POU2AF2: variants seen among roughly 807,000 people sequenced by gnomAD.
The protein encoded by POU2AF2 is POU class 2 homeobox associating factor 2.
At chr11:111,247,556 G>T in the POU2AF2 span, among the ~76,000 whole-genome samples, 1 of 152,150 alleles carries the variant, frequency 6.6e-6, no homozygotes, top group Non-Finnish European at 1.5e-5. Flanking sequence ...CGGAGGCTGA[G>T]GTGGGTGGAT....
the POU2AF2 span, among the ~76,000 whole-genome samples, chr11:111,253,503 T>G: frequency 1.3e-5 from 2 of 152,144 alleles, no homozygotes; most frequent in Non-Finnish European, 2.9e-5. Flanking sequence ...AATCTTCTTC[T>G]CTCTCATGTT....
chr11:111,247,445 C>T, the POU2AF2 span, among the ~76,000 whole-genome samples: 69 of 152,140 alleles, frequency 4.5e-4, no homozygotes, highest in Non-Finnish European at 8.7e-4. Context: ...AATATGTTAA[C>T]TGATTTGACC....
At chr11:111,252,460 A>G in the POU2AF2 span, among the ~76,000 whole-genome samples, 1 of 151,938 alleles carries the variant, frequency 6.6e-6, no homozygotes, top group Admixed American at 6.6e-5. Flanking sequence ...TCACCGACGT[A>G]TATTCTTTGA....
At chr11:111,278,811 G>A in the POU2AF2 span, among the ~76,000 whole-genome samples, 2 of 152,224 alleles carry the variant, frequency 1.3e-5, no homozygotes, top group East Asian at 3.8e-4. Flanking sequence ...AAAGACCAAA[G>A]GGATTAGAAC....
the POU2AF2 span, among the ~76,000 whole-genome samples, chr11:111,276,707 G>A: frequency 1.3e-5 from 2 of 148,760 alleles, no homozygotes; most frequent in South Asian, 2.1e-4. Context: ...AACAGCAATT[G>A]TGGAAGCTAA....
chr11:111,280,978 T>G, the POU2AF2 span, among the ~76,000 whole-genome samples: 1 of 152,312 alleles, frequency 6.6e-6, no homozygotes, highest in Admixed American at 6.5e-5. Context: ...GTGGAGGACA[T>G]GATGGCAATC....
At chr11:111,248,152 C>T in the POU2AF2 span, among the ~76,000 whole-genome samples, 3 of 152,018 alleles carry the variant, frequency 2.0e-5, no homozygotes, top group Non-Finnish European at 2.9e-5. Context: ...TTGTATTCTC[C>T]TGGAGGTTTT....
chr11:111,246,405 G>A, the POU2AF2 span, among the ~76,000 whole-genome samples: 1 of 152,138 alleles, frequency 6.6e-6, no homozygotes, highest in Non-Finnish European at 1.5e-5. Flanking sequence ...TCTTTCCCCG[G>A]ATGTTCATCC....
chr11:111,257,420 C>G, the POU2AF2 span, among the ~76,000 whole-genome samples: 1 of 149,192 alleles, frequency 6.7e-6, no homozygotes, highest in African/African-American at 2.5e-5. Context: ...TGTGCAGTGG[C>G]GCAATCTCGG....
At chr11:111,280,849 A>G in the POU2AF2 span, among the ~76,000 whole-genome samples, 1 of 152,230 alleles carries the variant, frequency 6.6e-6, no homozygotes, top group Non-Finnish European at 1.5e-5. Flanking sequence ...TGTCTGTGAA[A>G]TTGTGAAGAA....
the POU2AF2 span, among the ~76,000 whole-genome samples, chr11:111,252,406 C>G: frequency 6.6e-6 from 1 of 152,114 alleles, no homozygotes. Context: ...TAGCAAGTTC[C>G]TAGACAATGC....
the POU2AF2 span, chr11:111,281,465 A>T: frequency 2.5e-6 from 4 of 1,611,326 alleles, no homozygotes; most frequent in Non-Finnish European, 3.4e-6. Context: ...TCAATAAGCA[A>T]TTATTCCCTT....
chr11:111,279,014 T>A, the POU2AF2 span, among the ~76,000 whole-genome samples: 3 of 152,208 alleles, frequency 2.0e-5, no homozygotes, highest in African/African-American at 7.2e-5. Flanking sequence ...TATAGAATCA[T>A]TAAAGTCACT....
chr11:111,249,647 T>C, the POU2AF2 span, among the ~76,000 whole-genome samples: 1 of 152,224 alleles, frequency 6.6e-6, no homozygotes, highest in African/African-American at 2.4e-5. Flanking sequence ...TTTCTTACCT[T>C]CGTTTTCCTC....
the POU2AF2 span, among the ~76,000 whole-genome samples, chr11:111,252,245 C>T: frequency 1.3e-5 from 2 of 152,130 alleles, no homozygotes; most frequent in African/African-American, 4.8e-5. Flanking sequence ...TTGACCACCC[C>T]ACCTCCACAG....
chr11:111,248,288 T>A, the POU2AF2 span, among the ~76,000 whole-genome samples: 25 of 151,980 alleles, frequency 1.6e-4, no homozygotes, highest in African/African-American at 5.6e-4. Flanking sequence ...GTGACAGGAG[T>A]CTGATTCTCA....
chr11:111,254,022 C>T, the POU2AF2 span, among the ~76,000 whole-genome samples: 51 of 152,284 alleles, frequency 3.3e-4, no homozygotes, highest in African/African-American at 1.2e-3. Context: ...GCACTTAGCA[C>T]GTTTGCATCA....
the POU2AF2 span, chr11:111,281,414 C>T: frequency 6.2e-7 from 1 of 1,613,448 alleles, no homozygotes; most frequent in South Asian, 1.1e-5. Context: ...GTCAGTTCCT[C>T]TCAGTCTCCA....
chr11:111,273,286 T>C, the POU2AF2 span, among the ~76,000 whole-genome samples: 1 of 152,178 alleles, frequency 6.6e-6, no homozygotes, highest in Non-Finnish European at 1.5e-5. Flanking sequence ...AGACTAACTG[T>C]GTTAACATCC....
Sources: allele counts gnomAD v4.1 joint callset (sites outside exome capture counted in the v4.1 genomes callset), GRCh38; gene constraint gnomAD v4.1.1; transcripts MANE v1.5; gene names NCBI Gene and HGNC (gene_info 2026-07-23, HGNC 2026-07-21).